WNT7A: variants seen among roughly 807,000 people sequenced by gnomAD.
WNT7A encodes Wnt family member 7A.
A neutral mutation model predicts 28.2 loss-of-function variants in WNT7A; 16 were observed. That is an observed-to-expected ratio of 0.57 (90% CI 0.38 to 0.86). The LOEUF (loss-of-function observed/expected upper bound fraction) is 0.86, where lower values mean the gene tolerates loss of function less well. WNT7A is among the 40% of genes least tolerant of loss of function. The probability of loss-of-function intolerance (pLI) is 0.00; values close to 1 mark genes in which losing one functional copy is unlikely to be tolerated. For missense variants in WNT7A, 411 were observed against 489.7 expected, an observed-to-expected ratio of 0.84 and a Z score of 1.52; for synonymous variants, 190 against 195.9, an observed-to-expected ratio of 0.97 and a Z score of 0.25.
chr3:13,878,802 T>C (rs1022605403), intron 1 of WNT7A, among the ~76,000 whole-genome samples: 1 of 151,934 alleles, frequency 6.6e-6, no homozygotes, highest in East Asian at 1.9e-4. Context: ...AGAACCTCTA[T>C]CCATGCCCAG....
intron 2 of WNT7A, among the ~76,000 whole-genome samples, chr3:13,874,520 C>A (rs1407347873): frequency 6.6e-6 from 1 of 152,142 alleles, no homozygotes; most frequent in Non-Finnish European, 1.5e-5. Flanking sequence ...CCATTCACTG[C>A]TGCAACTAAA....
intron 2 of WNT7A, chr3:13,864,045 T>C (rs1694873418): frequency 6.6e-6 from 1 of 152,106 alleles, no homozygotes; most frequent in African/African-American, 2.4e-5. Flanking sequence ...TCCTAGGTCA[T>C]TTGTGCCCAT....
intron 3 of WNT7A, among the ~76,000 whole-genome samples, chr3:13,841,562 C>G (rs763519669): frequency 6.6e-6 from 1 of 152,102 alleles, no homozygotes; most frequent in African/African-American, 2.4e-5. Context: ...GGAATTCATG[C>G]GTATGAAGTA....
rs375188666 is a variant in WNT7A at position 13,879,855 on chromosome 3, C to G, written c.-39G>C. 5 of 1,544,028 alleles carry G rather than the reference C, an allele frequency of 3.2e-6. No individual in the cohort carries two copies. In the East Asian group the frequency reaches 1.2e-4, roughly 38 times the overall value. ...CGCCGGGGCCGCGGGCCGGGCTGTG[C>G]TGATCCCGCGGGCCGGCCCCGGCGG... On this transcript the variant is annotated 5_prime_UTR_variant, in exon 1 of 4. Coordinates refer to ENST00000285018, the MANE Select transcript of WNT7A (RefSeq NM_004625.4).
At chr3:13,877,621 C>T (rs942036262) in intron 1 of WNT7A, among the ~76,000 whole-genome samples, 1 of 152,146 alleles carries the variant, frequency 6.6e-6, no homozygotes, top group East Asian at 1.9e-4. Flanking sequence ...ATTAGTTGTG[C>T]GATCTTAGGC....
At chr3:13,828,536 G>A (rs1694232878) in intron 3 of WNT7A, among the ~76,000 whole-genome samples, 1 of 152,308 alleles carries the variant, frequency 6.6e-6, no homozygotes, top group East Asian at 1.9e-4. Flanking sequence ...GGTGGTGGAG[G>A]TGCCCTTTGT....
At chr3:13,819,927 G>T (rs1425986411) in intron 3 of WNT7A, among the ~76,000 whole-genome samples, 2 of 152,216 alleles carry the variant, frequency 1.3e-5, no homozygotes, top group Non-Finnish European at 2.9e-5. Context: ...CTTTGTTTTA[G>T]AATAGCCTAG....
At chr3:13,834,416 G>A (rs1194470768) in intron 3 of WNT7A, among the ~76,000 whole-genome samples, 1 of 152,022 alleles carries the variant, frequency 6.6e-6, no homozygotes, top group Non-Finnish European at 1.5e-5. Context: ...GGCACGCTGT[G>A]GGTCAGGTGC....
chr3:13,846,745 C>T (rs1694543186), intron 3 of WNT7A, among the ~76,000 whole-genome samples: 1 of 152,114 alleles, frequency 6.6e-6, no homozygotes, highest in African/African-American at 2.4e-5. Context: ...TGCCACCCTC[C>T]TAACCACACC....
At chr3:13,874,850 G>C in intron 2 of WNT7A, 97 bp downstream of exon 2, 1 of 1,242,978 alleles carries the variant, frequency 8.0e-7, no homozygotes, top group South Asian at 1.3e-5. Flanking sequence ...GGATATTCTA[G>C]CAGGGGCAGG....
intron 3 of WNT7A, among the ~76,000 whole-genome samples, chr3:13,844,871 C>T (rs1694514161): frequency 6.6e-6 from 1 of 152,150 alleles, no homozygotes; most frequent in Non-Finnish European, 1.5e-5. Context: ...CCACTCCTGC[C>T]CCTCTCCTCA....
chr3:13,875,151 G>C lies in WNT7A; in HGVS notation c.94C>G (p.Leu32Val). The change falls in exon 2 of 4, where the codon CTG (leucine) becomes GTG (valine). Residue 32 changes from leucine to valine, a missense_variant. Physicochemically the swap from Leu to Val is conservative, Grantham distance 32. Coordinates refer to ENST00000285018, the MANE Select transcript of WNT7A (RefSeq NM_004625.4). ...TTGTTACAGATGATGCTTGCGCCCA[G>C]AGCTACCACTGAGGAGAAGCCACTG... The part of the protein sequence containing the change: ...RIGGFSSVVA[L>V]GASIICNKIP... 1 of 1,614,092 alleles carries C rather than the reference G, an allele frequency of 6.2e-7. No individual in the cohort carries two copies. Among genetic ancestry groups the C allele is most frequent in the East Asian group, 2.2e-5 (1 of 44,872 alleles).
rs545924171 is a variant in WNT7A, at chr3:13,850,040, T to G, written c.570+4492A>C. Among the ~76,000 whole-genome samples the G allele has an allele frequency of 1.0e-3, 154 of 152,332 alleles. 1 individual carries two copies. The highest frequency in any genetic ancestry group is 1.9e-3 in the Admixed American group (29 of 15,308). On this transcript the variant is annotated intron_variant, in intron 3 of 3. Transcript: ENST00000285018. The stretch of plus-strand genomic sequence containing the variant: ...CCTGCCATGGAAGAAACCAAGGCCC[T>G]GAAAGGCTGAGATGTGTGCAAGACC...
intron 3 of WNT7A, among the ~76,000 whole-genome samples, chr3:13,840,585 T>G (rs751865989): frequency 6.9e-6 from 1 of 144,692 alleles, no homozygotes; most frequent in Non-Finnish European, 1.5e-5. Context: ...TCCTTCCAAA[T>G]AGCTATTCAT....
At chr3:13,826,731 G>C (rs1171357312) in intron 3 of WNT7A, among the ~76,000 whole-genome samples, 1 of 152,082 alleles carries the variant, frequency 6.6e-6, no homozygotes, top group South Asian at 2.1e-4. Flanking sequence ...AGCCAGAAGA[G>C]GGCTAAACAT....
intron 2 of WNT7A, among the ~76,000 whole-genome samples, chr3:13,872,262 C>G (rs976016387): frequency 1.3e-5 from 2 of 152,114 alleles, no homozygotes; most frequent in African/African-American, 2.4e-5. Context: ...ATTCCTATTC[C>G]TATTAGGGGC....
At chr3:13,840,600 C>A (rs1224572121) in intron 3 of WNT7A, among the ~76,000 whole-genome samples, 1 of 145,490 alleles carries the variant, frequency 6.9e-6, no homozygotes, top group African/African-American at 2.6e-5. Context: ...ATTCATTCAT[C>A]CATCCATCCA....
intron 2 of WNT7A, among the ~76,000 whole-genome samples, chr3:13,871,975 G>A (rs985990099): frequency 4.6e-5 from 7 of 151,846 alleles, no homozygotes; most frequent in South Asian, 2.1e-4. Flanking sequence ...CCAGCCCCTC[G>A]CTGTTCCTTA....
At chr3:13,827,567 C>T (rs977042862) in intron 3 of WNT7A, among the ~76,000 whole-genome samples, 11 of 152,102 alleles carry the variant, frequency 7.2e-5, no homozygotes, top group African/African-American at 2.7e-4. Flanking sequence ...TAGATACTAT[C>T]GAATTTGGTG....
Sources: allele counts gnomAD v4.1 joint callset (sites outside exome capture counted in the v4.1 genomes callset), GRCh38; gene constraint gnomAD v4.1.1; transcripts MANE v1.5; gene names NCBI Gene and HGNC (gene_info 2026-07-23, HGNC 2026-07-21).